ANK3: variants seen among roughly 807,000 people sequenced by gnomAD.
ANK3 encodes ankyrin-3.
ANK3 carries 57 observed loss-of-function variants against 370.9 expected under a neutral mutation model. That is an observed-to-expected ratio of 0.15 (90% CI 0.12 to 0.19). ANK3 has a LOEUF of 0.19. Ranked by LOEUF, ANK3 falls within the 10% of genes least tolerant of loss-of-function variation. The pLI, the probability that ANK3 is intolerant of heterozygous loss-of-function variation, is 1.00. For missense variants in ANK3, 4,439 were observed against 5,302.1 expected, an observed-to-expected ratio of 0.84 and a Z score of 5.06; for synonymous variants, 1,929 against 1,946.3, an observed-to-expected ratio of 0.99 and a Z score of 0.23.
chr10:60,505,156 A>T lies in ANK3; in HGVS notation c.96+110030T>A, dbSNP rs545620929. Among the ~76,000 whole-genome samples the T allele has an allele frequency of 5.9e-5, 9 of 152,298 alleles. No homozygotes were observed. The East Asian group carries it at 1.7e-3, about 29-fold the overall frequency. On this transcript the variant is annotated intron_variant, in intron 2 of 43. Transcript: ENST00000373827. ...TGTTGAAGCTTGCAAGATGGGATTT[A>T]TTAAATCATTGTCTCCACTTTTGTG...
chr10:60,156,361 T>C (rs1038904773), intron 23 of ANK3, among the ~76,000 whole-genome samples: 2 of 152,200 alleles, frequency 1.3e-5, no homozygotes, highest in African/African-American at 4.8e-5. Flanking sequence ...CAGCAGGGAA[T>C]CCAATGTCCT....
chr10:60,144,589 T>C (rs2094721159), intron 23 of ANK3, among the ~76,000 whole-genome samples: 1 of 152,156 alleles, frequency 6.6e-6, no homozygotes, highest in African/African-American at 2.4e-5. Flanking sequence ...CTCAGCAATC[T>C]CCTCTTCCTA....
chr10:60,379,551 T>C (rs1396392520), intron 1 of ANK3, among the ~76,000 whole-genome samples: 1 of 152,066 alleles, frequency 6.6e-6, no homozygotes. Context: ...AGGAATGAAA[T>C]CCTGTCATTT....
intron 40 of ANK3, among the ~76,000 whole-genome samples, chr10:60,060,907 G>A (rs1187562005): frequency 6.6e-6 from 1 of 152,134 alleles, no homozygotes; most frequent in Non-Finnish European, 1.5e-5. Flanking sequence ...AAAAGGGGAG[G>A]GGGGAACGAA....
chr10:60,190,350 G>A (rs1212660675), intron 16 of ANK3, among the ~76,000 whole-genome samples: 7 of 152,186 alleles, frequency 4.6e-5, no homozygotes, highest in Non-Finnish European at 4.4e-5. Flanking sequence ...ATTCAGGAAT[G>A]CCTGAGCTTC....
intron 2 of ANK3, among the ~76,000 whole-genome samples, chr10:60,501,705 C>CAAAAA (rs376934079): frequency 8.8e-5 from 7 of 79,560 alleles, no homozygotes; most frequent in Non-Finnish European, 1.2e-4. Flanking sequence ...GACTCTGTCT[C>CAAAAA]AAAAAAAAAA....
chr10:60,566,063 A>T (rs368607610), intron 2 of ANK3, among the ~76,000 whole-genome samples: 1 of 151,974 alleles, frequency 6.6e-6, no homozygotes, highest in Admixed American at 6.6e-5. Flanking sequence ...AAATATTTCA[A>T]TTTTTTTCTT....
In ANK3 at chr10:60,301,715, C is replaced by A. The variant is rs554681261; in HGVS notation, c.115-22076G>T. ...TACAGGCATGAGCCACTGTACCCGG[C>A]CCAGATAAATATTTTTTACTTAGCT... On this transcript the variant is annotated intron_variant, in intron 1 of 43. Coordinates refer to ENST00000280772, the MANE Select transcript of ANK3 (RefSeq NM_020987.5). Among the ~76,000 whole-genome samples, 22 of 152,244 alleles carry A rather than the reference C, an allele frequency of 1.4e-4. No homozygotes were observed. In the South Asian group the frequency reaches 4.6e-3, roughly 32 times the overall value.
intron 2 of ANK3, among the ~76,000 whole-genome samples, chr10:60,395,560 C>CTTTCTTTCTTTCT (rs1555367086): frequency 0.013 from 1,161 of 89,854 alleles, 24 homozygotes; most frequent in South Asian, 0.023. Context: ...CTCTTTCTTT[C>CTTTCTTTCTTTCT]TTTCTTTCTT....
At chr10:60,406,029 A>C (rs2132915494) in intron 2 of ANK3, among the ~76,000 whole-genome samples, 1 of 152,286 alleles carries the variant, frequency 6.6e-6, no homozygotes, top group East Asian at 1.9e-4. Flanking sequence ...GGCCAGCAAC[A>C]TTATCTCTGT....
At chr10:60,552,103 T>C (rs2077101090) in intron 2 of ANK3, among the ~76,000 whole-genome samples, 1 of 152,182 alleles carries the variant, frequency 6.6e-6, no homozygotes, top group Non-Finnish European at 1.5e-5. Context: ...GACAACTTCA[T>C]CAAGGCGGCC....
At chr10:60,541,697 A>C (rs148328091) in intron 2 of ANK3, among the ~76,000 whole-genome samples, 66 of 152,026 alleles carry the variant, frequency 4.3e-4, no homozygotes, top group African/African-American at 1.5e-3. Flanking sequence ...CTAAAGATGA[A>C]GTCTCACTAC....
chr10:60,677,736 C>A (rs565427832), intron 1 of ANK3, among the ~76,000 whole-genome samples: 1 of 149,028 alleles, frequency 6.7e-6, no homozygotes, highest in South Asian at 2.1e-4. Flanking sequence ...CTGTTTCTCA[C>A]AACCTCACCT....
chr10:60,045,916 A>T (rs1391386553), intron 42 of ANK3, among the ~76,000 whole-genome samples: 12 of 149,396 alleles, frequency 8.0e-5, no homozygotes, highest in Admixed American at 6.7e-5. Flanking sequence ...TTTTGTTCTC[A>T]TTTTTTTTTT....
intron 2 of ANK3, among the ~76,000 whole-genome samples, chr10:60,458,324 ACT>A (rs1488153375): frequency 6.6e-6 from 1 of 152,084 alleles, no homozygotes; most frequent in Non-Finnish European, 1.5e-5. Flanking sequence ...CAGCCCAGGT[ACT>A]CCATAATTCC....
intron 4 of ANK3, among the ~76,000 whole-genome samples, chr10:60,273,260 C>A (rs2098029159): frequency 6.6e-6 from 1 of 152,150 alleles, no homozygotes; most frequent in African/African-American, 2.4e-5. Context: ...TGCTTGCCAT[C>A]CTAAGATTAT....
intron 31 of ANK3, 60 bp downstream of exon 31, chr10:60,085,097 T>C: frequency 7.1e-7 from 1 of 1,400,450 alleles, no homozygotes; most frequent in Non-Finnish European, 9.8e-7. Context: ...CAATTTTTAC[T>C]TTCCAAAAGG....
chr10:60,687,535 A>AACAC (rs553656997), intron 1 of ANK3, among the ~76,000 whole-genome samples: 16 of 150,814 alleles, frequency 1.1e-4, no homozygotes, highest in Admixed American at 7.3e-4. Flanking sequence ...TATAAAAAAA[A>AACAC]ACACACACAC....
intron 16 of ANK3, among the ~76,000 whole-genome samples, chr10:60,194,938 T>C (rs958001906): frequency 6.6e-6 from 1 of 152,132 alleles, no homozygotes; most frequent in African/African-American, 2.4e-5. Context: ...ACTCTCTAAA[T>C]GGAGAGAGTA....
Sources: allele counts gnomAD v4.1 joint callset (sites outside exome capture counted in the v4.1 genomes callset), GRCh38; gene constraint gnomAD v4.1.1; transcripts MANE v1.5; gene names NCBI Gene and HGNC (gene_info 2026-07-23, HGNC 2026-07-21).